The following TSPAN2 variants were observed in gnomAD, a reference collection of about 807,000 sequenced individuals.
The protein encoded by TSPAN2 is tetraspanin 2.
A neutral mutation model predicts 33.3 loss-of-function variants in TSPAN2; 24 were observed. The ratio of observed to expected loss-of-function variants is 0.72; its 90% CI spans 0.52 to 1.01. The LOEUF is 1.01. TSPAN2 is among the 50% of genes least tolerant of loss of function. The pLI is 0.00. For synonymous variants in TSPAN2, 114 were observed against 104.5 expected, an observed-to-expected ratio of 1.09 and a Z score of -0.56; for missense variants, 278 against 281.3, an observed-to-expected ratio of 0.99 and a Z score of 0.08.
At chr1:115,080,038 G>C (rs777892373) in intron 1 of TSPAN2, among the ~76,000 whole-genome samples, 4 of 152,188 alleles carry the variant, frequency 2.6e-5, no homozygotes, top group Admixed American at 6.5e-5. Context: ...ACTTGCATGG[G>C]TCAACCAACA....
intron 1 of TSPAN2, among the ~76,000 whole-genome samples, chr1:115,087,203 G>GCC (rs1434616362): frequency 3.3e-5 from 5 of 152,032 alleles, no homozygotes; most frequent in Non-Finnish European, 5.9e-5. Flanking sequence ...ACAGGCATGA[G>GCC]CCACTGTGCC....
At chr1:115,072,482 G>C (rs921755953) in intron 2 of TSPAN2, among the ~76,000 whole-genome samples, 1 of 152,196 alleles carries the variant, frequency 6.6e-6, no homozygotes, top group East Asian at 1.9e-4. Flanking sequence ...CAGGGGTCCC[G>C]TGTCACCCCA....
At chr1:115,077,491 G>A (rs982180433) in intron 1 of TSPAN2, among the ~76,000 whole-genome samples, 12 of 152,298 alleles carry the variant, frequency 7.9e-5, no homozygotes, top group Admixed American at 6.5e-4. Context: ...TGGAGGACAC[G>A]AAATTGCAAA....
chr1:115,075,425 C>T (rs1648366053), intron 1 of TSPAN2, among the ~76,000 whole-genome samples: 1 of 152,142 alleles, frequency 6.6e-6, no homozygotes, highest in Admixed American at 6.5e-5. Flanking sequence ...GTTGATGCTG[C>T]TTGTGACAAG....
In TSPAN2 at chr1:115,066,722, C is replaced by T. The variant is rs555692396; in HGVS notation, c.173-4490G>A. On this transcript the variant is annotated intron_variant, in intron 2 of 7. Coordinates refer to ENST00000369516, the MANE Select transcript of TSPAN2 (RefSeq NM_005725.6). The stretch of plus-strand genomic sequence containing the variant: ...TTTTTATGTCCCTACATTTATGTCC[C>T]TTCAGTATCCCCTGAATGCATATAA... Among the ~76,000 whole-genome samples, 7 of 152,262 alleles carry T rather than the reference C, an allele frequency of 4.6e-5. 1 individual carries two copies. In the South Asian group the frequency reaches 1.5e-3, roughly 32 times the overall value.
intron 2 of TSPAN2, among the ~76,000 whole-genome samples, chr1:115,065,315 T>C (rs890268307): frequency 6.6e-6 from 1 of 152,210 alleles, no homozygotes; most frequent in Non-Finnish European, 1.5e-5. Flanking sequence ...CCTCAAAAAA[T>C]AGCTGCTGAA....
Position 115,061,328 on chromosome 1 carries a change from C to T in TSPAN2, c.271-790G>A, listed in dbSNP as rs138953197. 3.9e-4 allele frequency among the ~76,000 whole-genome samples: 60 copies of T among 152,282 alleles called. 1 individual carries two copies. In the East Asian group the frequency reaches 9.6e-3, roughly 24 times the overall value. ...TTCTCTCCTCCTGCCCCTCTTCTTC[C>T]TTTCTGTTTCTCTCAGGCTACACTG... On this transcript the variant is annotated intron_variant, in intron 3 of 7. Coordinates refer to ENST00000369516, the MANE Select transcript of TSPAN2 (RefSeq NM_005725.6).
chr1:115,058,986 A>G lies in TSPAN2; in HGVS notation c.346-5T>C. On this transcript the variant is annotated splice_region_variant and splice_polypyrimidine_tract_variant and intron_variant, in intron 4 of 7. Transcript: ENST00000369516. ...GGTCTGAACATGTCGGATAGCCTGA[A>G]GAAATACAAGGAAAAATGAAGGACT... 1.2e-6 allele frequency: 2 copies of G among 1,607,826 alleles called. No homozygotes were observed. Among genetic ancestry groups the G allele is most frequent in the Non-Finnish European group, 1.7e-6 (2 of 1,176,552 alleles).
intron 2 of TSPAN2, 143 bp downstream of exon 2, chr1:115,072,762 G>A (rs1398852164): frequency 1.5e-6 from 1 of 686,484 alleles, no homozygotes; most frequent in Non-Finnish European, 2.5e-6. Flanking sequence ...AGTGCACAGG[G>A]GCTCAGAGGT....
At chr1:115,064,004 C>T (rs1647839548) in intron 2 of TSPAN2, among the ~76,000 whole-genome samples, 1 of 151,968 alleles carries the variant, frequency 6.6e-6, no homozygotes, top group African/African-American at 2.4e-5. Context: ...CTCAATGTAC[C>T]TTTGTAACAA....
Position 115,057,716 on chromosome 1 carries a change from G to GT in TSPAN2, c.445-109_445-108insA, listed in dbSNP as rs1277538413. 3.2e-6 allele frequency: 3 copies of GT among 937,816 alleles called. No individual in the cohort carries two copies. In the Admixed American group the frequency reaches 5.3e-5, roughly 16 times the overall value. 58.1% of individuals were successfully genotyped at this position (937,816 alleles called of 1,614,324 possible). On this transcript the variant is annotated intron_variant, in intron 5 of 7. Coordinates refer to ENST00000369516, the MANE Select transcript of TSPAN2 (RefSeq NM_005725.6). ...GCCGAGGCGGCAAAGCAGCTCCGAG[G>GT]CCCAGTCACTGCAACCCAGACTGCT...
intron 6 of TSPAN2, among the ~76,000 whole-genome samples, chr1:115,054,494 A>G (rs1167434817): frequency 6.6e-6 from 1 of 152,190 alleles, no homozygotes; most frequent in Non-Finnish European, 1.5e-5. Flanking sequence ...AAGTTTGAAA[A>G]CTACTCTTCT....
At chr1:115,065,093 C>T (rs536721019) in intron 2 of TSPAN2, among the ~76,000 whole-genome samples, 2 of 152,344 alleles carry the variant, frequency 1.3e-5, no homozygotes, top group East Asian at 3.9e-4. Context: ...CACTTCTCAG[C>T]CAGCCTCTGT....
intron 1 of TSPAN2, among the ~76,000 whole-genome samples, chr1:115,087,615 CAAAAA>C (rs58524726): frequency 2.2e-5 from 2 of 92,212 alleles, no homozygotes; most frequent in African/African-American, 4.1e-5. Context: ...GACTCCGTCT[CAAAAA>C]AAAAAAAAAA....
chr1:115,084,958 C>T (rs910493829), intron 1 of TSPAN2, among the ~76,000 whole-genome samples: 10 of 152,214 alleles, frequency 6.6e-5, no homozygotes, highest in African/African-American at 2.4e-4. Context: ...AGCTCTGCTT[C>T]CTGTGGGTCA....
Position 115,072,994 on chromosome 1 carries a change from G to A in TSPAN2, c.83C>T (p.Ala28Val). 1 of 1,614,164 alleles carries A rather than the reference G, an allele frequency of 6.2e-7. No homozygotes were observed. The highest frequency in any genetic ancestry group is 1.3e-5 in the African/African-American group (1 of 75,052). Reference protein sequence around the residue: ...FNLLFWLAGSAVIAFGLWFRF... With the variant: ...FNLLFWLAGSVVIAFGLWFRF... ...AAACCATAGTCCAAAAGCAATGACG[G>A]CCGATCCAGCCAGCTGGAAGGCAAA... The change falls in exon 2 of 8, where the codon GCC (alanine) becomes GTC (valine). Residue 28 changes from alanine to valine, a missense_variant. Transcript: ENST00000369516.
At position 115,060,457 on chromosome 1, in the gene TSPAN2, T is replaced by A. The variant is rs1473720852; in HGVS notation, c.345+7A>T. ...CATAGAAAAACATTATAAGTAATTT[T>A]ACTTACTACCCCCTTGCCTATAAAA... On this transcript the variant is annotated splice_region_variant and intron_variant, in intron 4 of 7. Coordinates refer to ENST00000369516, the MANE Select transcript of TSPAN2 (RefSeq NM_005725.6). 6.2e-7 allele frequency: 1 copy of A among 1,604,966 alleles called. No individual in the cohort carries two copies. The highest frequency in any genetic ancestry group is 2.2e-5 in the East Asian group (1 of 44,772).
intron 1 of TSPAN2, among the ~76,000 whole-genome samples, chr1:115,077,332 T>TA (rs56178923): frequency 1.0e-3 from 154 of 148,910 alleles, no homozygotes; most frequent in East Asian, 0.01. Flanking sequence ...GAAAAATACT[T>TA]AAAAAAAAAA....
At chr1:115,082,310 G>A (rs1648657663) in intron 1 of TSPAN2, among the ~76,000 whole-genome samples, 1 of 152,246 alleles carries the variant, frequency 6.6e-6, no homozygotes, top group South Asian at 2.1e-4. Context: ...CCGATAGTCT[G>A]TAGACTTGGA....
Sources: allele counts gnomAD v4.1 joint callset (sites outside exome capture counted in the v4.1 genomes callset), GRCh38; gene constraint gnomAD v4.1.1; transcripts MANE v1.5; gene names NCBI Gene and HGNC (gene_info 2026-07-23, HGNC 2026-07-21).